NRK: variants seen among roughly 807,000 people sequenced by gnomAD.
The protein encoded by NRK is nik-related protein kinase.
In NRK, 67 loss-of-function variants were observed where a neutral mutation model predicts 125.2. That is an observed-to-expected ratio of 0.54 (90% confidence interval 0.44 to 0.66). The LOEUF (loss-of-function observed/expected upper bound fraction) is 0.66, where lower values mean the gene tolerates loss of function less well. Among genes scored for constraint, NRK ranks in the 30% least tolerant of loss-of-function variants. The probability of loss-of-function intolerance (pLI) is 0.00; values close to 1 mark genes in which losing one functional copy is unlikely to be tolerated. For missense variants in NRK, 1,224 were observed against 1,192.9 expected (o/e 1.03, Z -0.38); for synonymous variants, 458 against 429.0 (o/e 1.07, Z -0.84).
intron 16 of NRK, among the ~76,000 whole-genome samples, chrX:105,918,635 T>G (rs1804693490): frequency 9.0e-6 from 1 of 110,605 alleles, no homozygotes; most frequent in Non-Finnish European, 1.9e-5. Context: ...TCCCAGAGTC[T>G]TTTCTTTCTG....
chrX:105,835,590 C>G (rs753874939), intron 2 of NRK, among the ~76,000 whole-genome samples: 12 of 109,111 alleles, frequency 1.1e-4, no homozygotes, highest in African/African-American at 3.7e-4. Flanking sequence ...TTGTTTGGGC[C>G]CACAACTAAT....
intron 22 of NRK, among the ~76,000 whole-genome samples, chrX:105,939,488 C>T (rs1050605157): frequency 9.0e-6 from 1 of 111,315 alleles, no homozygotes; most frequent in Non-Finnish European, 1.9e-5. Flanking sequence ...CCACCCCTCT[C>T]GTACACACAC....
chrX:105,839,197 A>C (rs929112680), intron 2 of NRK, among the ~76,000 whole-genome samples: 7 of 111,246 alleles, frequency 6.3e-5, no homozygotes, highest in African/African-American at 2.3e-4. Context: ...TTTAGGCTGA[A>C]ATTATACTGT....
At chrX:105,921,811 A>C (rs1171040988) in intron 16 of NRK, among the ~76,000 whole-genome samples, 153 bp from the exon 17 acceptor site, 3 of 108,323 alleles carry the variant, frequency 2.8e-5, no homozygotes, top group African/African-American at 1.0e-4. Context: ...TGGCCCCATG[A>C]GAATTTTCAG....
At chrX:105,861,754 T>C (rs962725472) in intron 2 of NRK, among the ~76,000 whole-genome samples, 1 of 112,275 alleles carries the variant, frequency 8.9e-6, no homozygotes, top group Admixed American at 9.4e-5. Context: ...TTACCATGAA[T>C]TTGATTTAAA....
intron 19 of NRK, among the ~76,000 whole-genome samples, chrX:105,931,508 TGG>T (rs745514642): frequency 9.0e-6 from 1 of 111,577 alleles, no homozygotes; most frequent in East Asian, 2.8e-4. Flanking sequence ...TGGTGGCAAT[TGG>T]GGCTGATGAG....
intron 27 of NRK, 149 bp downstream of exon 27, chrX:105,949,883 G>C: frequency 2.4e-6 from 1 of 410,883 alleles, no homozygotes; most frequent in Non-Finnish European, 4.2e-6. Flanking sequence ...CTCTTAGTAA[G>C]GTGATGCCTG....
intron 16 of NRK, among the ~76,000 whole-genome samples, chrX:105,918,502 A>C (rs1296336666): frequency 1.8e-5 from 2 of 111,822 alleles, no homozygotes; most frequent in Non-Finnish European, 3.8e-5. Context: ...AAAACACATT[A>C]TTCTTCTTAA....
chrX:105,860,727 G>A (rs1218108794), intron 2 of NRK, among the ~76,000 whole-genome samples: 2 of 109,809 alleles, frequency 1.8e-5, no homozygotes, highest in African/African-American at 6.6e-5. Context: ...ACTTTTATTG[G>A]CAAAAACTGC....
rs778380293 is a variant in NRK at position 105,947,240 on chromosome X, G to A, written c.4353+776G>A. ...GGGCGGATCACGAGGTCAGGAGATC[G>A]AGACCATCCCGGCTAAAACGGTGAA... On this transcript the variant is annotated intron_variant, in intron 26 of 28. Coordinates refer to ENST00000243300, the MANE Select transcript of NRK (RefSeq NM_198465.4). Among the ~76,000 whole-genome samples, 51 of 56,530 alleles carry A rather than the reference G, an allele frequency of 9.0e-4. 6 individuals are homozygous for A. The highest frequency in any genetic ancestry group is 1.4e-3 in the Non-Finnish European group (48 of 33,921). 49.1% of individuals were successfully genotyped at this position (56,530 alleles called of 115,157 possible).
intron 26 of NRK, 112 bp downstream of exon 26, chrX:105,946,576 A>C: frequency 1.8e-6 from 1 of 543,992 alleles, no homozygotes; most frequent in East Asian, 3.5e-5. Flanking sequence ...TCTATACCGG[A>C]ACTGAGACAT....
chrX:105,911,018 G>A (rs183475765), intron 13 of NRK, among the ~76,000 whole-genome samples: 1 of 111,709 alleles, frequency 9.0e-6, no homozygotes, highest in East Asian at 2.8e-4. Flanking sequence ...CATCTATTGA[G>A]GAAGGAGGTC....
intron 19 of NRK, among the ~76,000 whole-genome samples, chrX:105,930,460 T>C: frequency 9.0e-6 from 1 of 111,053 alleles, no homozygotes; most frequent in Non-Finnish European, 1.9e-5. Context: ...GAATTTCTCA[T>C]TCAGATCATG....
At position 105,924,826 on chromosome X, in the gene NRK, A is replaced by G. The variant is rs748436126; in HGVS notation, c.3107A>G (p.Asp1036Gly). The change falls in exon 19 of 29, where the codon GAC becomes GGC. Residue 1036 changes from aspartate (D) to glycine (G), a missense_variant. Asp to Gly is a moderately conservative substitution (Grantham distance 94). Coordinates refer to ENST00000243300, the MANE Select transcript of NRK (RefSeq NM_198465.4). ...RSHGGSAASE[D>G]NAAIGDQEEH... ...CATGGAGGAAGTGCAGCCAGTGAGG[A>G]CAATGCAGCCATTGGAGATCAGGAA... 9.1e-6 allele frequency: 11 copies of G among 1,210,997 alleles called. No homozygotes were observed. Among genetic ancestry groups the G allele is most frequent in the Non-Finnish European group, 1.2e-5 (11 of 895,027 alleles).
chrX:105,906,376 A>T (rs967259837), intron 10 of NRK, 38 bp from the exon 11 acceptor site: 3 of 903,972 alleles, frequency 3.3e-6, no homozygotes, highest in Non-Finnish European at 4.6e-6. Flanking sequence ...GACAGGACTG[A>T]GAACACTTTT....
In NRK at chrX:105,881,776, C is replaced by T; in HGVS notation, c.249C>T (p.Tyr83=). 1 of 1,087,929 alleles carries T rather than the reference C, an allele frequency of 9.2e-7. No homozygotes were observed. Among genetic ancestry groups the T allele is most frequent in the Non-Finnish European group, 1.2e-6 (1 of 800,062 alleles). The allele number at this position is 1,087,929 out of a possible 1,213,427, so 89.7% of individuals were successfully genotyped here. The change falls in exon 4 of 29, where the codon TAC becomes TAT. Residue 83 remains tyrosine, a synonymous_variant. Transcript: ENST00000243300. ...NKYQKSVGWR[Y]SDEEEDLRTE... ...ATCAAAAATCTGTTGGGTGGAGATA[C>T]AGTGTGAGTACTAAAAGTTCTCATT...
At chrX:105,928,304 A>C (rs2040550890) in intron 19 of NRK, among the ~76,000 whole-genome samples, 1 of 110,502 alleles carries the variant, frequency 9.0e-6, no homozygotes, top group African/African-American at 3.3e-5. Flanking sequence ...GTCTCTTATG[A>C]TTCTTTGTAT....
intron 19 of NRK, among the ~76,000 whole-genome samples, chrX:105,926,873 G>T (rs757561304): frequency 9.0e-6 from 1 of 110,798 alleles, no homozygotes; most frequent in African/African-American, 3.3e-5. Context: ...TCTGTTTTTT[G>T]GTTGCTGTAG....
chrX:105,893,812 CT>C lies in NRK; in HGVS notation c.379-17del. ...GAAAATTGGACACTAATTTTTTATA[CT>C]TTGCTGGCTTTCCTGCAGATGGTGA... On this transcript the variant is annotated intron_variant, in intron 5 of 28. Coordinates refer to ENST00000243300, the MANE Select transcript of NRK (RefSeq NM_198465.4). 1 of 1,044,286 alleles carries C rather than the reference CT, an allele frequency of 9.6e-7. No individual in the cohort carries two copies. The highest frequency in any genetic ancestry group is 1.3e-6 in the Non-Finnish European group (1 of 746,442). The allele number at this position is 1,044,286 out of a possible 1,213,427, so 86.1% of individuals were successfully genotyped here.
Sources: gnomAD v4.1 joint callset for allele counts (sites outside exome capture counted in the v4.1 genomes callset) on GRCh38, gnomAD v4.1.1 for gene constraint, MANE v1.5 for transcripts, NCBI Gene and HGNC (gene_info 2026-07-23, HGNC 2026-07-21) for gene names.